The following PIBF1 variants were observed in gnomAD, a reference collection of about 807,000 sequenced individuals.
PIBF1 encodes the protein progesterone immunomodulatory binding factor 1.
A neutral mutation model predicts 112.5 loss-of-function variants in PIBF1; 90 were observed. That is an observed-to-expected ratio of 0.80 (90% CI 0.67 to 0.95). PIBF1 has a LOEUF of 0.95. PIBF1 is among the 40% of genes least tolerant of loss of function. PIBF1 has a pLI of 0.00. For synonymous variants in PIBF1, 301 were observed against 288.6 expected (o/e 1.04, Z -0.44); for missense variants, 915 against 852.3 (o/e 1.07, Z -0.92).
At chr13:72,789,796 A>G (rs1292995082) in intron 2 of PIBF1, among the ~76,000 whole-genome samples, 1 of 152,072 alleles carries the variant, frequency 6.6e-6, no homozygotes, top group East Asian at 1.9e-4. Flanking sequence ...CTGAAATCCA[A>G]AAGGGTCAAC....
At chr13:72,835,513 G>A in intron 9 of PIBF1, 145 bp downstream of exon 9, 4 of 581,600 alleles carry the variant, frequency 6.9e-6, no homozygotes, top group Non-Finnish European at 1.1e-5. Flanking sequence ...TAAGTATAAT[G>A]AGAACATGAA....
At chr13:72,953,210 A>C (rs1051874969) in intron 14 of PIBF1, among the ~76,000 whole-genome samples, 1 of 152,174 alleles carries the variant, frequency 6.6e-6, no homozygotes, top group Admixed American at 6.5e-5. Context: ...TTTCATCTGC[A>C]GGAATACTGA....
In PIBF1 at chr13:72,960,863, C is replaced by G. The variant is rs78229067; in HGVS notation, c.1834-4411C>G. On this transcript the variant is annotated intron_variant, in intron 14 of 17. Coordinates refer to ENST00000326291, the MANE Select transcript of PIBF1 (RefSeq NM_006346.4). ...TAGTAAAATAATAAGATTCCAGTGA[C>G]ATTGTAATATATTTTAAAGAATAAT... 7.6e-3 allele frequency among the ~76,000 whole-genome samples: 1,162 copies of G among 152,114 alleles called. 25 individuals are homozygous for G. The highest frequency in any genetic ancestry group is 0.026 in the African/African-American group (1,094 of 41,480).
At chr13:72,796,140 A>G (rs559485599) in intron 4 of PIBF1, among the ~76,000 whole-genome samples, 2 of 152,326 alleles carry the variant, frequency 1.3e-5, no homozygotes, top group Admixed American at 1.3e-4. Context: ...TTTTTTAAAC[A>G]CAAGAATAAG....
intron 8 of PIBF1, among the ~76,000 whole-genome samples, chr13:72,829,516 C>T (rs750358999): frequency 1.3e-5 from 2 of 152,152 alleles, no homozygotes; most frequent in African/African-American, 4.8e-5. Context: ...GTTTTCCAAA[C>T]AACATTTATT....
At chr13:72,844,730 C>T (rs1348507363) in intron 9 of PIBF1, among the ~76,000 whole-genome samples, 3 of 18,614 alleles carry the variant, frequency 1.6e-4, no homozygotes, top group Non-Finnish European at 3.3e-4. Context: ...ATTTTATTTA[C>T]ACACACACAC....
intron 10 of PIBF1, among the ~76,000 whole-genome samples, chr13:72,878,099 A>C (rs112245028): frequency 0.022 from 3,342 of 150,880 alleles, 135 homozygotes; most frequent in African/African-American, 0.079. Context: ...TAGTGTAGCT[A>C]AAGTTTTACT....
chr13:72,986,676 CTTTTTTTTTTTTT>C (rs765529786), intron 16 of PIBF1, among the ~76,000 whole-genome samples: 2 of 89,036 alleles, frequency 2.2e-5, no homozygotes, highest in African/African-American at 4.3e-5. Context: ...TTTCTGTCAT[CTTTTTTTTTTTTT>C]TTTTTTTTTT....
intron 16 of PIBF1, among the ~76,000 whole-genome samples, chr13:72,989,841 C>G (rs6562735): frequency 0.1 from 15,733 of 152,046 alleles, 2,321 homozygotes; most frequent in African/African-American, 0.33. Context: ...ATTGAAGTTG[C>G]GCAGTGGAAA....
At chr13:72,798,947 G>A (rs567739105) in intron 5 of PIBF1, among the ~76,000 whole-genome samples, 2 of 152,304 alleles carry the variant, frequency 1.3e-5, no homozygotes, top group African/African-American at 4.8e-5. Flanking sequence ...TTTATTCTGA[G>A]CATGTGTACT....
intron 16 of PIBF1, among the ~76,000 whole-genome samples, chr13:72,986,752 G>A (rs900683026): frequency 4.2e-5 from 6 of 144,460 alleles, no homozygotes; most frequent in Admixed American, 7.1e-5. Context: ...CTGCAGTGGC[G>A]CAATCTCGGC....
chr13:72,988,967 G>T (rs2043388856), intron 16 of PIBF1, among the ~76,000 whole-genome samples: 1 of 152,168 alleles, frequency 6.6e-6, no homozygotes, highest in African/African-American at 2.4e-5. Context: ...GAACCCAGGA[G>T]GGGAAGGTTG....
intron 10 of PIBF1, among the ~76,000 whole-genome samples, chr13:72,876,413 C>T (rs2138464068): frequency 6.6e-6 from 1 of 152,030 alleles, no homozygotes; most frequent in Admixed American, 6.6e-5. Flanking sequence ...ATTGGCTATT[C>T]TGGGTCTTTT....
At chr13:73,003,849 A>G (rs2043950405) in intron 17 of PIBF1, among the ~76,000 whole-genome samples, 1 of 151,978 alleles carries the variant, frequency 6.6e-6, no homozygotes. Context: ...AGCTGAGACC[A>G]CATGTGCACA....
intron 16 of PIBF1, among the ~76,000 whole-genome samples, chr13:72,986,908 G>A (rs1461913180): frequency 6.6e-6 from 1 of 151,650 alleles, no homozygotes; most frequent in Non-Finnish European, 1.5e-5. Context: ...AGCCAGGATG[G>A]TCTCGATCTC....
chr13:72,853,468 A>G (rs2038264850), intron 9 of PIBF1, among the ~76,000 whole-genome samples: 3 of 152,310 alleles, frequency 2.0e-5, no homozygotes, highest in Non-Finnish European at 4.4e-5. Context: ...CCAGTCTTCC[A>G]TCTTGCTTGT....
intron 16 of PIBF1, among the ~76,000 whole-genome samples, chr13:72,993,171 ATAAT>A (rs1311284141): frequency 4.6e-5 from 7 of 151,928 alleles, no homozygotes; most frequent in African/African-American, 1.7e-4. Flanking sequence ...AAATACAAAA[ATAAT>A]TAGCCGGGCA....
At chr13:72,957,020 A>G (rs2042465005) in intron 14 of PIBF1, among the ~76,000 whole-genome samples, 1 of 152,194 alleles carries the variant, frequency 6.6e-6, no homozygotes, top group South Asian at 2.1e-4. Context: ...AAAAATAGAT[A>G]TTGGCATGGA....
chr13:72,944,857 C>G (rs2042108516), intron 14 of PIBF1, among the ~76,000 whole-genome samples: 1 of 152,084 alleles, frequency 6.6e-6, no homozygotes, highest in South Asian at 2.1e-4. Context: ...ACCTCTGCCT[C>G]CCTGGTTCAA....
Sources: allele counts gnomAD v4.1 joint callset (sites outside exome capture counted in the v4.1 genomes callset), GRCh38; gene constraint gnomAD v4.1.1; transcripts MANE v1.5; gene names NCBI Gene and HGNC (gene_info 2026-07-23, HGNC 2026-07-21).